The following PDCD1LG2 variants were observed in gnomAD, a reference collection of about 807,000 sequenced individuals.
The protein encoded by PDCD1LG2 is B7 dendritic cell molecule.
In PDCD1LG2, 32 loss-of-function variants were observed where a neutral mutation model predicts 28.2. The observed-to-expected ratio is 1.13, with a 90% CI of 0.86 to 1.52. PDCD1LG2 has a LOEUF of 1.52. Among genes scored for constraint, PDCD1LG2 ranks in the 40% most tolerant of loss-of-function variants. PDCD1LG2 has a pLI of 0.00. For synonymous variants in PDCD1LG2, 116 were observed against 120.2 expected (o/e 0.97, Z 0.23); for missense variants, 385 against 323.8 (o/e 1.19, Z -1.45).
At chr9:5,543,232 G>T (rs560352840) in intron 3 of PDCD1LG2, among the ~76,000 whole-genome samples, 2 of 152,026 alleles carry the variant, frequency 1.3e-5, no homozygotes, top group Non-Finnish European at 2.9e-5. Context: ...ATGGTTGGGG[G>T]TGAGAGATAA....
At chr9:5,555,787 T>C (rs916102827) in intron 4 of PDCD1LG2, among the ~76,000 whole-genome samples, 3 of 152,218 alleles carry the variant, frequency 2.0e-5, no homozygotes, top group African/African-American at 7.2e-5. Flanking sequence ...GGCCAAGACC[T>C]TGAAAACTCA....
At chr9:5,552,019 C>G (rs577588892) in intron 4 of PDCD1LG2, among the ~76,000 whole-genome samples, 1 of 152,314 alleles carries the variant, frequency 6.6e-6, no homozygotes, top group South Asian at 2.1e-4. Flanking sequence ...CCTAACACCC[C>G]AGATGGAATG....
chr9:5,557,097 A>G (rs1166920600), intron 4 of PDCD1LG2, among the ~76,000 whole-genome samples: 1 of 152,206 alleles, frequency 6.6e-6, no homozygotes, highest in Non-Finnish European at 1.5e-5. Context: ...GAAATTTAAC[A>G]ACTAATGGTA....
intron 2 of PDCD1LG2, among the ~76,000 whole-genome samples, chr9:5,530,517 C>A (rs1291954446): frequency 2.0e-5 from 3 of 151,446 alleles, no homozygotes; most frequent in Non-Finnish European, 4.4e-5. Flanking sequence ...TGTACACATG[C>A]CAGTGGATAT....
intron 6 of PDCD1LG2, 153 bp downstream of exon 6, chr9:5,563,364 C>T (rs541674820): frequency 7.1e-6 from 5 of 704,186 alleles, no homozygotes; most frequent in Non-Finnish European, 9.3e-6. Context: ...AGCGAAGCCT[C>T]GTTCTTAGCC....
chr9:5,525,829 A>C (rs1460433667), intron 2 of PDCD1LG2, among the ~76,000 whole-genome samples: 5 of 151,998 alleles, frequency 3.3e-5, no homozygotes, highest in Non-Finnish European at 7.4e-5. Flanking sequence ...TGGGCAGATC[A>C]CGAGGTCAGG....
intron 3 of PDCD1LG2, among the ~76,000 whole-genome samples, chr9:5,547,010 C>G (rs1816223993): frequency 6.6e-6 from 1 of 152,120 alleles, no homozygotes; most frequent in Non-Finnish European, 1.5e-5. Context: ...ATTGTCAACT[C>G]TTAACATTGA....
At chr9:5,514,793 A>G (rs1317571622) in intron 1 of PDCD1LG2, among the ~76,000 whole-genome samples, 2 of 151,060 alleles carry the variant, frequency 1.3e-5, no homozygotes, top group Admixed American at 1.3e-4. Flanking sequence ...AAAAAAAAAA[A>G]AGACAAAATA....
intron 5 of PDCD1LG2, among the ~76,000 whole-genome samples, chr9:5,559,353 T>C (rs1173078831): frequency 6.6e-6 from 1 of 152,246 alleles, no homozygotes; most frequent in Admixed American, 6.5e-5. Context: ...ATAACCCTTG[T>C]CTCCAACTCA....
intron 1 of PDCD1LG2, among the ~76,000 whole-genome samples, chr9:5,522,167 T>G (rs73386692): frequency 2.0e-5 from 3 of 149,568 alleles, no homozygotes; most frequent in Non-Finnish European, 4.4e-5. Flanking sequence ...TGTCCATTAT[T>G]CATTTGACAA....
chr9:5,515,951 A>G (rs1472621476), intron 1 of PDCD1LG2, among the ~76,000 whole-genome samples: 1 of 143,974 alleles, frequency 6.9e-6, no homozygotes, highest in Non-Finnish European at 1.5e-5. Flanking sequence ...AAAAAAAAAG[A>G]AAAGAAAGAA....
At chr9:5,541,809 A>C (rs1820692913) in intron 3 of PDCD1LG2, among the ~76,000 whole-genome samples, 1 of 152,136 alleles carries the variant, frequency 6.6e-6, no homozygotes, top group Non-Finnish European at 1.5e-5. Context: ...ATCATTCTTC[A>C]CAAAAGTAGA....
chr9:5,543,709 T>A (rs1246368712), intron 3 of PDCD1LG2, among the ~76,000 whole-genome samples: 2 of 152,152 alleles, frequency 1.3e-5, no homozygotes, highest in African/African-American at 4.8e-5. Flanking sequence ...CAGTGTCTTT[T>A]TTTCCCTTGG....
intron 2 of PDCD1LG2, among the ~76,000 whole-genome samples, chr9:5,528,782 C>T (rs1820427769): frequency 6.6e-6 from 1 of 152,178 alleles, no homozygotes; most frequent in African/African-American, 2.4e-5. Flanking sequence ...GTCGCCCAGG[C>T]TGGAGTTCAC....
intron 4 of PDCD1LG2, among the ~76,000 whole-genome samples, chr9:5,552,281 T>TC (rs1216923585): frequency 1.3e-5 from 2 of 152,212 alleles, no homozygotes; most frequent in Non-Finnish European, 2.9e-5. Context: ...GTAATTTTTT[T>TC]CTTTGCTCAC....
At chr9:5,528,404 C>T (rs915870894) in intron 2 of PDCD1LG2, among the ~76,000 whole-genome samples, 1 of 151,486 alleles carries the variant, frequency 6.6e-6, no homozygotes, top group Non-Finnish European at 1.5e-5. Flanking sequence ...CAGGCTCAAG[C>T]GATTCTCCCA....
chr9:5,529,291 A>G (rs1223919382), intron 2 of PDCD1LG2, among the ~76,000 whole-genome samples: 2 of 152,274 alleles, frequency 1.3e-5, no homozygotes, highest in Non-Finnish European at 2.9e-5. Flanking sequence ...TGTATATTCT[A>G]TATGTAAGGT....
chr9:5,551,644 C>T (rs760390088), intron 4 of PDCD1LG2, among the ~76,000 whole-genome samples: 7 of 152,108 alleles, frequency 4.6e-5, no homozygotes, highest in South Asian at 2.1e-4. Flanking sequence ...CCCCAGTATC[C>T]GTAGCATCAG....
rs2129793072 is a variant in PDCD1LG2, at chr9:5,534,826, C to T, written c.137C>T (p.Thr46Ile). The T allele has an allele frequency of 6.2e-7, 1 of 1,614,148 alleles. No homozygotes were observed. The highest frequency in any genetic ancestry group is 8.5e-7 in the Non-Finnish European group (1 of 1,180,022). ...SNVTLECNFD[T>I]GSHVNLGAIT... ...GTGACCCTGGAATGCAACTTTGACA[C>T]TGGAAGTCATGTGAACCTTGGAGCA... The change falls in exon 3 of 7, where the codon ACT (threonine) becomes ATT (isoleucine). Residue 46 changes from threonine to isoleucine, a missense_variant. Coordinates refer to ENST00000397747, the MANE Select transcript of PDCD1LG2 (RefSeq NM_025239.4).
Sources: gnomAD v4.1 joint callset for allele counts (sites outside exome capture counted in the v4.1 genomes callset) on GRCh38, gnomAD v4.1.1 for gene constraint, MANE v1.5 for transcripts, NCBI Gene and HGNC (gene_info 2026-07-23, HGNC 2026-07-21) for gene names.